The following ANKRD45 variants were observed in gnomAD, a reference collection of about 807,000 sequenced individuals.
The protein encoded by ANKRD45 is ankyrin repeat domain-containing protein 45.
Under a neutral mutation model 28.1 loss-of-function variants are expected in ANKRD45, and 21 were observed. That is an observed-to-expected ratio of 0.75 (90% confidence interval 0.53 to 1.08). ANKRD45 has a LOEUF of 1.08. Ranked by LOEUF, ANKRD45 falls within the 50% of genes least tolerant of loss-of-function variation. The pLI, the probability that ANKRD45 is intolerant of heterozygous loss-of-function variation, is 0.00. For synonymous variants in ANKRD45, 86 were observed against 103.9 expected, an observed-to-expected ratio of 0.83 and a Z score of 1.05; for missense variants, 261 against 308.7, an observed-to-expected ratio of 0.85 and a Z score of 1.16.
At chr1:173,678,876 A>G in the ANKRD45 span, among the ~76,000 whole-genome samples, 1 of 152,236 alleles carries the variant, frequency 6.6e-6, no homozygotes, top group Non-Finnish European at 1.5e-5. Flanking sequence ...TACAAAGTCA[A>G]TGTGCAAAAA....
the ANKRD45 span, among the ~76,000 whole-genome samples, chr1:173,678,723 A>G: frequency 1.3e-5 from 2 of 152,210 alleles, no homozygotes; most frequent in African/African-American, 2.4e-5. Flanking sequence ...AGGCAAGAGA[A>G]AGAAATAAAG....
chr1:173,665,267 A>C (rs974647401), intron 1 of ANKRD45, among the ~76,000 whole-genome samples: 3 of 152,148 alleles, frequency 2.0e-5, no homozygotes. Context: ...GATCCTAAGT[A>C]GCTGGGCTCA....
the ANKRD45 span, among the ~76,000 whole-genome samples, chr1:173,699,207 G>A: frequency 3.2e-4 from 49 of 152,198 alleles, no homozygotes; most frequent in Admixed American, 3.1e-3. Flanking sequence ...AAAAGTCCAG[G>A]ACCACATGGA....
the ANKRD45 span, among the ~76,000 whole-genome samples, chr1:173,707,432 A>C: frequency 6.6e-6 from 1 of 151,994 alleles, no homozygotes. Context: ...TTCCAGGTTC[A>C]AGTGATTCTC....
chr1:173,616,358 A>G (rs547669913), intron 5 of ANKRD45, among the ~76,000 whole-genome samples: 11 of 152,270 alleles, frequency 7.2e-5, no homozygotes, highest in African/African-American at 2.4e-4. Flanking sequence ...AAATGTTCAG[A>G]GAAGGCAAAT....
intron 5 of ANKRD45, among the ~76,000 whole-genome samples, chr1:173,617,225 A>G (rs781650372): frequency 2.6e-5 from 4 of 152,060 alleles, no homozygotes; most frequent in Non-Finnish European, 5.9e-5. Flanking sequence ...ATCCATTTAT[A>G]TGCTCCCCTA....
upstream of ANKRD45, among the ~76,000 whole-genome samples, chr1:173,671,755 G>A (rs551357373): frequency 1.3e-5 from 2 of 151,394 alleles, no homozygotes; most frequent in Admixed American, 6.6e-5. Flanking sequence ...GGTGGTATGC[G>A]CCTGTAGTCC....
chr1:173,710,715 C>T, the ANKRD45 span, among the ~76,000 whole-genome samples: 1 of 152,190 alleles, frequency 6.6e-6, no homozygotes, highest in Non-Finnish European at 1.5e-5. Context: ...TGAGACGCTG[C>T]CACCAGTTTC....
chr1:173,713,475 G>A, the ANKRD45 span, among the ~76,000 whole-genome samples: 3 of 143,654 alleles, frequency 2.1e-5, no homozygotes, highest in Non-Finnish European at 3.1e-5. Flanking sequence ...AGACAACGGG[G>A]ATAGATGAGC....
chr1:173,624,740 AT>A (rs1413051961), intron 5 of ANKRD45, 46 bp downstream of exon 5: 1 of 1,568,530 alleles, frequency 6.4e-7, no homozygotes, highest in South Asian at 1.1e-5. Flanking sequence ...ATTGAACTTA[AT>A]TTTCATCCCT....
the ANKRD45 span, among the ~76,000 whole-genome samples, chr1:173,704,792 G>A: frequency 1.3e-5 from 2 of 152,222 alleles, no homozygotes; most frequent in African/African-American, 4.8e-5. Flanking sequence ...TCCTCTGGAA[G>A]CATATTCTGA....
chr1:173,693,645 G>C, the ANKRD45 span, among the ~76,000 whole-genome samples: 6 of 152,144 alleles, frequency 3.9e-5, no homozygotes, highest in African/African-American at 1.4e-4. Context: ...ACATATCCAA[G>C]AAAATAGAAC....
At chr1:173,662,961 G>T (rs960361908) in intron 1 of ANKRD45, among the ~76,000 whole-genome samples, 1 of 151,892 alleles carries the variant, frequency 6.6e-6, no homozygotes, top group African/African-American at 2.4e-5. Flanking sequence ...TCTTGTATTT[G>T]AGATGGTTTA....
upstream of ANKRD45, among the ~76,000 whole-genome samples, chr1:173,673,681 C>T (rs184742787): frequency 1.1e-4 from 16 of 151,548 alleles, no homozygotes; most frequent in Non-Finnish European, 2.1e-4. Context: ...TACCTAAGAC[C>T]ACACAGCTAA....
chr1:173,644,125 G>A (rs950635851), intron 3 of ANKRD45, among the ~76,000 whole-genome samples: 1 of 152,056 alleles, frequency 6.6e-6, no homozygotes, highest in African/African-American at 2.4e-5. Flanking sequence ...TCTAATAATG[G>A]AATTTTCAGT....
chr1:173,621,735 G>A (rs150400646), intron 5 of ANKRD45, among the ~76,000 whole-genome samples: 1,761 of 152,210 alleles, frequency 0.012, 43 homozygotes, highest in African/African-American at 0.041. Flanking sequence ...CATTCCCCTT[G>A]AAAACCAGCA....
chr1:173,630,844 AAG>A lies in ANKRD45; in HGVS notation c.497-3687_497-3686del, dbSNP rs1558125524. Among the ~76,000 whole-genome samples the A allele has an allele frequency of 4.1e-3, 552 of 134,468 alleles. 9 individuals are homozygous for A. The highest frequency in any genetic ancestry group is 7.0e-3 in the Non-Finnish European group (423 of 60,446). 88.2% of individuals were successfully genotyped at this position (134,468 alleles called of 152,430 possible). A position where few individuals can be genotyped will look rare whatever the true frequency, so the allele number is the denominator to read the frequency against. ...AAAAAAAAAAAAAAAAAAAAAAAAA[AAG>A]AGAGAGAGACACAAAAAATAAAAAG... is the stretch of plus-strand genomic sequence containing the variant. On this transcript the variant is annotated intron_variant, in intron 3 of 5. Coordinates refer to ENST00000333279, the MANE Select transcript of ANKRD45 (RefSeq NM_198493.3).
chr1:173,655,869 T>C (rs1558142275), intron 2 of ANKRD45, among the ~76,000 whole-genome samples: 1 of 152,224 alleles, frequency 6.6e-6, no homozygotes, highest in Admixed American at 6.5e-5. Context: ...ACTGATGTGC[T>C]AGCAGTGAGC....
At chr1:173,702,716 TC>T in the ANKRD45 span, among the ~76,000 whole-genome samples, 11 of 141,390 alleles carry the variant, frequency 7.8e-5, no homozygotes, top group African/African-American at 2.9e-4. Flanking sequence ...TTCTGTGTCC[TC>T]TTTTTTTTTT....
Sources: allele counts gnomAD v4.1 joint callset (sites outside exome capture counted in the v4.1 genomes callset), GRCh38; gene constraint gnomAD v4.1.1; transcripts MANE v1.5; gene names NCBI Gene and HGNC (gene_info 2026-07-23, HGNC 2026-07-21).